Variants in VCP observed in about 807,000 individuals in gnomAD.
The protein encoded by VCP is transitional endoplasmic reticulum ATPase.
VCP carries 6 observed loss-of-function variants against 85.7 expected under a neutral mutation model. That is an observed-to-expected ratio of 0.07 (90% CI 0.04 to 0.14). The LOEUF (loss-of-function observed/expected upper bound fraction) is 0.14, where lower values mean the gene tolerates loss of function less well. VCP is among the 10% of genes least tolerant of loss of function. The pLI, the probability that VCP is intolerant of heterozygous loss-of-function variation, is 1.00. For missense variants in VCP, 353 were observed against 1,043.4 expected, an observed-to-expected ratio of 0.34 and a Z score of 9.12; for synonymous variants, 384 against 367.1, an observed-to-expected ratio of 1.05 and a Z score of -0.53.
At chr9:35,061,829 T>A (rs1423781584) in intron 9 of VCP, 140 bp from the exon 10 acceptor site, 28 of 1,434,122 alleles carry the variant, frequency 2.0e-5, no homozygotes, top group Non-Finnish European at 2.3e-5. Flanking sequence ...CTGGGAAACC[T>A]TTCAGTCTCA....
chr9:35,060,630 T>TCAGATC (rs1190149754), intron 12 of VCP, 105 bp from the exon 13 acceptor site: 4 of 1,514,114 alleles, frequency 2.6e-6, no homozygotes, highest in Non-Finnish European at 3.7e-6. Flanking sequence ...CCCAATGGTA[T>TCAGATC]CAGATCCAGG....
chr9:35,063,588 C>T (rs1828769585), intron 6 of VCP, among the ~76,000 whole-genome samples: 1 of 152,188 alleles, frequency 6.6e-6, no homozygotes, highest in East Asian at 1.9e-4. Context: ...CATCCACAAG[C>T]AGAACATGTA....
intron 2 of VCP, 75 bp from the exon 3 acceptor site, chr9:35,068,138 C>T: frequency 6.2e-7 from 1 of 1,607,262 alleles, no homozygotes; most frequent in Non-Finnish European, 8.5e-7. Context: ...GATTGGGATT[C>T]CCAGTAAACC....
chr9:35,058,042 G>A (rs1044829092), intron 15 of VCP, among the ~76,000 whole-genome samples: 1 of 152,182 alleles, frequency 6.6e-6, no homozygotes, highest in South Asian at 2.1e-4. Context: ...ATCTACCCAG[G>A]GTTTCCCAAT....
At chr9:35,063,784 T>G (rs1273335710) in intron 6 of VCP, among the ~76,000 whole-genome samples, 1 of 152,238 alleles carries the variant, frequency 6.6e-6, no homozygotes, top group African/African-American at 2.4e-5. Flanking sequence ...TTTCCTTAAC[T>G]TCCTTACTTC....
In VCP at chr9:35,062,206, T is replaced by C. The variant is rs1828740081; in HGVS notation, c.945+11A>G. 1 of 1,613,970 alleles carries C rather than the reference T, an allele frequency of 6.2e-7. No homozygotes were observed. The highest frequency in any genetic ancestry group is 8.5e-7 in the Non-Finnish European group (1 of 1,180,020). On this transcript the variant is annotated intron_variant, in intron 8 of 16. Coordinates refer to ENST00000358901, the MANE Select transcript of VCP (RefSeq NM_007126.5). ...TTCAACCCCCCTCTATCCCCTCAGG[T>C]AAGCTCCTACTTTCTCTCTTTTGGG...
At chr9:35,070,016 C>T (rs1207217896) in intron 1 of VCP, among the ~76,000 whole-genome samples, 1 of 152,158 alleles carries the variant, frequency 6.6e-6, no homozygotes, top group African/African-American at 2.4e-5. Context: ...AAATGCTGTG[C>T]TCAGCTAGGA....
At chr9:35,063,112 C>T in intron 6 of VCP, 32 bp from the exon 7 acceptor site, 4 of 1,605,148 alleles carry the variant, frequency 2.5e-6, no homozygotes, top group Non-Finnish European at 3.4e-6. Flanking sequence ...GATTAGGTTC[C>T]CACCTTCTCC....
chr9:35,065,266 C>T lies in VCP; in HGVS notation c.561G>A (p.Glu187=). ...APDTVIHCEG[E]PIKREDEEES... Reference sequence around the variant, plus strand: ...GAAAACTCACCTCTCGTTTGATAGGCTCCCCTTCGCAGTGGATCACTGTGT... The same window carrying T: ...GAAAACTCACCTCTCGTTTGATAGGTTCCCCTTCGCAGTGGATCACTGTGT... The change falls in exon 5 of 17, where the codon GAG becomes GAA. Residue 187 remains glutamate, a synonymous_variant. Coordinates refer to ENST00000358901, the MANE Select transcript of VCP (RefSeq NM_007126.5). 1.2e-6 allele frequency: 2 copies of T among 1,614,170 alleles called. No individual in the cohort carries two copies. The highest frequency in any genetic ancestry group is 1.7e-6 in the Non-Finnish European group (2 of 1,180,030).
At chr9:35,062,920 T>A in intron 7 of VCP, 58 bp downstream of exon 7, 1 of 1,551,974 alleles carries the variant, frequency 6.4e-7, no homozygotes, top group Non-Finnish European at 8.9e-7. Flanking sequence ...GTGCTCCAGC[T>A]CATAAGCCCA....
At chr9:35,064,366 A>G (rs1433182569) in intron 5 of VCP, 81 bp from the exon 6 acceptor site, 3 of 1,582,280 alleles carry the variant, frequency 1.9e-6, no homozygotes, top group African/African-American at 2.7e-5. Flanking sequence ...TCATTCCACT[A>G]CCTAGTGTGC....
intron 15 of VCP, among the ~76,000 whole-genome samples, chr9:35,058,025 C>T (rs1204392293): frequency 6.6e-6 from 1 of 152,184 alleles, no homozygotes; most frequent in East Asian, 1.9e-4. Flanking sequence ...GACATATATA[C>T]TCTTAAATCT....
At position 35,056,828 on chromosome 9, in the gene VCP, C is replaced by A. The variant is rs1447208857; in HGVS notation, c.*289G>T. 4 of 411,028 alleles carry A rather than the reference C, an allele frequency of 9.7e-6. No individual in the cohort carries two copies. The highest frequency in any genetic ancestry group is 1.8e-5 in the Non-Finnish European group (4 of 216,230). The allele number at this position is 411,028 out of a possible 1,614,324, so 25.5% of individuals were successfully genotyped here. ...CCTTGGTTCACACCCCACACAGGTC[C>A]CCTGCACTGCCCCAAACTACAACAG... On this transcript the variant is annotated 3_prime_UTR_variant, in exon 17 of 17. Coordinates refer to ENST00000358901, the MANE Select transcript of VCP (RefSeq NM_007126.5).
At chr9:35,069,602 GCCA>G (rs1828900856) in intron 1 of VCP, among the ~76,000 whole-genome samples, 1 of 152,014 alleles carries the variant, frequency 6.6e-6, no homozygotes. Flanking sequence ...ACAGGCATGC[GCCA>G]CCACACCTGG....
At chr9:35,065,415 G>T in intron 4 of VCP, 34 bp from the exon 5 acceptor site, 1 of 1,613,712 alleles carries the variant, frequency 6.2e-7, no homozygotes, top group Non-Finnish European at 8.5e-7. Flanking sequence ...ACAGTTAGAG[G>T]TGTCAACTAC....
Position 35,059,457 on chromosome 9 carries a change from AT to A in VCP, c.2004+35del. 2 of 1,611,980 alleles carry A rather than the reference AT, an allele frequency of 1.2e-6. No individual in the cohort carries two copies. Among genetic ancestry groups the A allele is most frequent in the Non-Finnish European group, 1.7e-6 (2 of 1,179,296 alleles). ...GCACTCCGTACCAGCCTGAGGACTC[AT>A]GCAAGTCTCCCACAGCCCATGATCT... On this transcript the variant is annotated intron_variant, in intron 14 of 16. Transcript: ENST00000358901. The surrounding 1 kb of genome is among the most constrained non-coding windows in gnomAD (Gnocchi z 4.9).
intron 1 of VCP, 146 bp from the exon 2 acceptor site, chr9:35,068,508 C>A: frequency 1.3e-6 from 1 of 767,832 alleles, no homozygotes; most frequent in Non-Finnish European, 2.3e-6. Flanking sequence ...GCCAAGGTCA[C>A]GAGGAGCAGT....
intron 13 of VCP, among the ~76,000 whole-genome samples, chr9:35,060,078 C>G (rs942839881): frequency 2.6e-5 from 4 of 152,154 alleles, no homozygotes; most frequent in Middle Eastern, 3.4e-3. Flanking sequence ...TTACAGTGAG[C>G]CATGACTGTA....
chr9:35,068,740 C>A (rs1055171435), intron 1 of VCP, among the ~76,000 whole-genome samples: 1 of 152,126 alleles, frequency 6.6e-6, no homozygotes, highest in Non-Finnish European at 1.5e-5. Context: ...TATAGTCAGA[C>A]CCATTGGGTC....
Sources: allele counts gnomAD v4.1 joint callset (sites outside exome capture counted in the v4.1 genomes callset), GRCh38; gene constraint gnomAD v4.1.1; non-coding constraint Gnocchi (gnomAD v3.1); transcripts MANE v1.5; gene names NCBI Gene and HGNC (gene_info 2026-07-23, HGNC 2026-07-21).